SLC4A5: variants seen among roughly 807,000 people sequenced by gnomAD.
SLC4A5 encodes the protein electrogenic sodium bicarbonate cotransporter 4.
Under a neutral mutation model 120.4 loss-of-function variants are expected in SLC4A5, and 96 were observed. That is an observed-to-expected ratio of 0.80 (90% CI 0.68 to 0.94). The LOEUF is 0.94. SLC4A5 is among the 40% of genes least tolerant of loss of function. The probability of loss-of-function intolerance (pLI) is 0.00; values close to 1 mark genes in which losing one functional copy is unlikely to be tolerated. For synonymous variants in SLC4A5, 550 were observed against 571.1 expected (o/e 0.96, Z 0.53); for missense variants, 1,259 against 1,459.5 (o/e 0.86, Z 2.24).
chr2:74,293,310 A>C (rs543883380), intron 7 of SLC4A5, among the ~76,000 whole-genome samples: 1 of 152,160 alleles, frequency 6.6e-6, no homozygotes, highest in Admixed American at 6.5e-5. Context: ...GTTCACGGGA[A>C]TCCTTCCTGG....
intron 6 of SLC4A5, among the ~76,000 whole-genome samples, chr2:74,312,241 A>G (rs948611575): frequency 3.6e-4 from 51 of 140,036 alleles, no homozygotes; most frequent in Admixed American, 1.3e-3. Flanking sequence ...GTGTGTGTGT[A>G]TATGTGTGTG....
chr2:74,322,909 G>T (rs1673131431), intron 5 of SLC4A5, among the ~76,000 whole-genome samples: 1 of 152,126 alleles, frequency 6.6e-6, no homozygotes, highest in Non-Finnish European at 1.5e-5. Context: ...ATAGAAATCA[G>T]ACTAGCAGAA....
intron 10 of SLC4A5, among the ~76,000 whole-genome samples, chr2:74,262,636 T>C (rs1468726883): frequency 6.6e-6 from 1 of 151,828 alleles, no homozygotes; most frequent in South Asian, 2.1e-4. Flanking sequence ...GAGGCAGAGT[T>C]TGCAGTGAGC....
intron 8 of SLC4A5, among the ~76,000 whole-genome samples, chr2:74,271,436 G>A (rs1201397759): frequency 3.9e-5 from 6 of 152,104 alleles, no homozygotes; most frequent in Non-Finnish European, 7.3e-5. Context: ...AAAAACGGGT[G>A]GGATCCAGGC....
At chr2:74,309,224 T>A (rs1672736094) in intron 6 of SLC4A5, among the ~76,000 whole-genome samples, 1 of 150,694 alleles carries the variant, frequency 6.6e-6, no homozygotes, top group Non-Finnish European at 1.5e-5. Flanking sequence ...TGGCCTGGAT[T>A]CATTTTTTTT....
chr2:74,224,690 C>T (rs1363186000), intron 28 of SLC4A5, 150 bp downstream of exon 28: 14 of 1,108,324 alleles, frequency 1.3e-5, no homozygotes, highest in Non-Finnish European at 1.7e-5. Context: ...ACACCCCAGA[C>T]CAAGACAAGC....
intron 25 of SLC4A5, among the ~76,000 whole-genome samples, chr2:74,228,241 G>A (rs1694918075): frequency 6.6e-6 from 1 of 152,206 alleles, no homozygotes; most frequent in African/African-American, 2.4e-5. Context: ...AGCCTCAGCT[G>A]AGGGTCCCCT....
chr2:74,304,613 T>A (rs776595133), exon 7 of SLC4A5: 2 of 1,614,114 alleles, frequency 1.2e-6, no homozygotes, highest in Non-Finnish European at 1.7e-6. Context: ...CTGAAAGATG[T>A]CCCTTCTGGT....
chr2:74,219,638 A>G (rs1431668755), intron 30 of SLC4A5, among the ~76,000 whole-genome samples: 1 of 152,106 alleles, frequency 6.6e-6, no homozygotes, highest in East Asian at 1.9e-4. Context: ...GGCCTTGTGT[A>G]ATTTAACAGG....
chr2:74,261,350 G>A (rs140040054), intron 11 of SLC4A5, among the ~76,000 whole-genome samples: 56 of 152,316 alleles, frequency 3.7e-4, no homozygotes, highest in African/African-American at 1.2e-3. Context: ...GAGGACTTGG[G>A]TCATCAGGAC....
At chr2:74,317,251 T>C (rs768461743) in intron 5 of SLC4A5, among the ~76,000 whole-genome samples, 30 of 152,226 alleles carry the variant, frequency 2.0e-4, no homozygotes, top group Admixed American at 5.2e-4. Flanking sequence ...GCATAGATCA[T>C]GTGATCTTTA....
chr2:74,227,594 AC>A (rs1694892204), intron 26 of SLC4A5: 1 of 1,543,576 alleles, frequency 6.5e-7, no homozygotes, highest in African/African-American at 1.4e-5. Context: ...GGACCTAATT[AC>A]ATAGATTCAA....
chr2:74,252,077 A>C (rs1670808518), intron 16 of SLC4A5, 102 bp downstream of exon 16: 1 of 1,251,246 alleles, frequency 8.0e-7, no homozygotes. Context: ...GGTGACCTCG[A>C]GTGGGCACTA....
chr2:74,262,688 G>A (rs1432612842), intron 10 of SLC4A5, among the ~76,000 whole-genome samples: 10 of 149,864 alleles, frequency 6.7e-5, no homozygotes, highest in African/African-American at 2.5e-4. Flanking sequence ...GACAGAGTGA[G>A]ACTCCGTCTC....
intron 8 of SLC4A5, among the ~76,000 whole-genome samples, chr2:74,267,683 G>GA (rs1671347230): frequency 6.6e-6 from 1 of 152,218 alleles, no homozygotes; most frequent in South Asian, 2.1e-4. Context: ...TTATTGGGGC[G>GA]AATTAGTGTA....
chr2:74,271,586 A>T (rs1020649323), intron 8 of SLC4A5, among the ~76,000 whole-genome samples: 13 of 152,034 alleles, frequency 8.6e-5, no homozygotes, highest in African/African-American at 3.1e-4. Flanking sequence ...TTTGGTATAT[A>T]ACAAATGCCA....
intron 10 of SLC4A5, 52 bp downstream of exon 10, chr2:74,264,095 C>A: frequency 7.0e-6 from 11 of 1,581,112 alleles, no homozygotes; most frequent in Non-Finnish European, 9.4e-6. Context: ...GGTACCAGGG[C>A]CTGATACTGG....
At chr2:74,224,718 C>G in intron 28 of SLC4A5, 122 bp downstream of exon 28, 1 of 1,380,714 alleles carries the variant, frequency 7.2e-7, no homozygotes, top group Non-Finnish European at 9.8e-7. Flanking sequence ...CCAGCCCATC[C>G]TGGACTGGGC....
Position 74,333,736 on chromosome 2 carries a change from T to C in SLC4A5, c.-70+291A>G, listed in dbSNP as rs1018581460. 4.6e-5 allele frequency among the ~76,000 whole-genome samples: 7 copies of C among 152,320 alleles called. No homozygotes were observed. In the East Asian group the frequency reaches 1.4e-3, roughly 29 times the overall value. ...CCTCTGTGCCTCCATTTTCTTCAGA[T>C]ACCTGGTGGACAGTGATGGCTGCTC... On this transcript the variant is annotated intron_variant, in intron 4 of 30. Transcript: ENST00000394019.
Sources: allele counts gnomAD v4.1 joint callset (sites outside exome capture counted in the v4.1 genomes callset), GRCh38; gene constraint gnomAD v4.1.1; transcripts MANE v1.5; gene names NCBI Gene and HGNC (gene_info 2026-07-23, HGNC 2026-07-21).